The following TRAF2 variants were observed in gnomAD, a reference collection of about 807,000 sequenced individuals.
TRAF2 encodes the protein TNF receptor associated factor 2.
TRAF2 carries 6 observed loss-of-function variants against 55.6 expected under a neutral mutation model. That is an observed-to-expected ratio of 0.11 (90% CI 0.06 to 0.21). The LOEUF is 0.21. Among genes scored for constraint, TRAF2 ranks in the 10% least tolerant of loss-of-function variants. The probability of loss-of-function intolerance (pLI) is 1.00; values close to 1 mark genes in which losing one functional copy is unlikely to be tolerated. For synonymous variants in TRAF2, 329 were observed against 276.3 expected, an observed-to-expected ratio of 1.19 and a Z score of -1.89; for missense variants, 561 against 684.5, an observed-to-expected ratio of 0.82 and a Z score of 2.01.
At chr9:136,917,976 T>C (rs975903597) in intron 7 of TRAF2, among the ~76,000 whole-genome samples, 6 of 152,026 alleles carry the variant, frequency 3.9e-5, no homozygotes, top group Middle Eastern at 3.4e-3. Context: ...GTGGCGATGC[T>C]CGCTTCCCGT....
chr9:136,905,968 G>C, intron 4 of TRAF2, among the ~76,000 whole-genome samples: 1 of 152,160 alleles, frequency 6.6e-6, no homozygotes, highest in East Asian at 1.9e-4. Context: ...AGCCGGGTGT[G>C]GTGGCGGGCG....
At chr9:136,897,658 C>A in intron 1 of TRAF2, among the ~76,000 whole-genome samples, 1 of 131,964 alleles carries the variant, frequency 7.6e-6, no homozygotes, top group South Asian at 2.5e-4. Context: ...TACGTTCCCG[C>A]TCTCGGGGCT....
chr9:136,893,772 C>T (rs755786246), intron 1 of TRAF2, among the ~76,000 whole-genome samples: 12 of 151,982 alleles, frequency 7.9e-5, no homozygotes, highest in African/African-American at 2.2e-4. Flanking sequence ...TTTTTCGAGA[C>T]GGAGTCTCAC....
Position 136,900,401 on chromosome 9 carries a change from G to A in TRAF2, c.268-21G>A, listed in dbSNP as rs17250218. On this transcript the variant is annotated intron_variant, in intron 3 of 10. Transcript: ENST00000247668. ...GGGAGTCTGGGAGGAGGTTTAACCC[G>A]AGGGATATTCCTCTCCCCAGGCCTT... 209 of 1,554,616 alleles carry A rather than the reference G, an allele frequency of 1.3e-4. 2 individuals are homozygous for A. In the African/African-American group the frequency reaches 2.2e-3, roughly 17 times the overall value.
At chr9:136,882,087 GT>G (rs1849381597), upstream of TRAF2, 1 of 973,852 alleles carries the variant, frequency 1.0e-6, no homozygotes. Flanking sequence ...CTTGTTCATG[GT>G]CCCGTGGGGG....
Position 136,921,059 on chromosome 9 carries a change from A to G in TRAF2, c.982A>G (p.Ile328Val). The G allele has an allele frequency of 1.2e-6, 2 of 1,613,956 alleles. No homozygotes were observed. Among genetic ancestry groups the G allele is most frequent in the Non-Finnish European group, 1.7e-6 (2 of 1,179,996 alleles). Residue 328 changes from isoleucine (I) to valine (V), a missense_variant, in exon 9 of 11, where the codon ATT becomes GTT. By Grantham distance (29) the Ile-to-Val change is conservative. Transcript: ENST00000247668. The stretch of plus-strand genomic sequence containing the variant: ...GCAGGTGCAGCAGCTGGAGAGGAGC[A>G]TTGGCCTCAAGGACCTGGCGATGGC... ...SSKVQQLERS[I>V]GLKDLAMADL...
chr9:136,894,708 A>T (rs1459189264), intron 1 of TRAF2, among the ~76,000 whole-genome samples: 1 of 152,056 alleles, frequency 6.6e-6, no homozygotes, highest in Non-Finnish European at 1.5e-5. Context: ...TATTGTGGGT[A>T]TGAAGGAGGA....
At position 136,924,018 on chromosome 9, in the gene TRAF2, G is replaced by A. The variant is rs1378583388; in HGVS notation, c.1287+18G>A. 1.2e-6 allele frequency: 2 copies of A among 1,610,540 alleles called. No individual in the cohort carries two copies. Among genetic ancestry groups the A allele is most frequent in the East Asian group, 2.2e-5 (1 of 44,886 alleles). ...ACCAGAAGGTGAGGCCGTCCCTGCA[G>A]GCTTCGCTAGGGCCGCACCTGGGAG... On this transcript the variant is annotated intron_variant, in intron 10 of 10. Transcript: ENST00000247668.
chr9:136,901,967 T>C (rs10870140), intron 4 of TRAF2: 114,125 of 152,252 alleles, frequency 0.75, 42,953 homozygotes, highest in East Asian at 0.87. Flanking sequence ...AGTTTCGTTT[T>C]TTCAGAAGAA....
upstream of TRAF2, among the ~76,000 whole-genome samples, chr9:136,884,985 G>C (rs1365296114): frequency 6.6e-6 from 1 of 152,230 alleles, no homozygotes; most frequent in Admixed American, 6.5e-5. Context: ...CAACCTCACT[G>C]AGCCTGCAGG....
chr9:136,906,791 A>G (rs1386838543), intron 4 of TRAF2, among the ~76,000 whole-genome samples: 8 of 152,224 alleles, frequency 5.3e-5, no homozygotes, highest in Non-Finnish European at 7.3e-5. Flanking sequence ...CGGCACGTTC[A>G]GTCTGCCGGC....
intron 7 of TRAF2, among the ~76,000 whole-genome samples, chr9:136,917,132 C>T (rs1261704487): frequency 1.3e-5 from 2 of 152,230 alleles, no homozygotes; most frequent in African/African-American, 2.4e-5. Flanking sequence ...GCCCTGTCCA[C>T]ATCATCCTCA....
chr9:136,908,256 G>A (rs745870721), intron 5 of TRAF2, 25 bp downstream of exon 5: 3 of 1,542,982 alleles, frequency 1.9e-6, no homozygotes, highest in Non-Finnish European at 2.6e-6. Flanking sequence ...GCAGCAGCCT[G>A]TGTGGCTGCA....
chr9:136,914,907 C>T (rs1047571559), intron 6 of TRAF2, among the ~76,000 whole-genome samples: 2 of 151,758 alleles, frequency 1.3e-5, no homozygotes, highest in East Asian at 1.9e-4. Flanking sequence ...AGGCCGGGTG[C>T]GGTGGCTCAT....
chr9:136,916,163 C>G (rs762171338), intron 6 of TRAF2, among the ~76,000 whole-genome samples: 1 of 152,142 alleles, frequency 6.6e-6, no homozygotes, highest in Non-Finnish European at 1.5e-5. Flanking sequence ...TCATCCTGTA[C>G]CACCACGCAC....
intron 3 of TRAF2, among the ~76,000 whole-genome samples, chr9:136,900,035 C>T (rs893522124): frequency 6.6e-5 from 10 of 152,060 alleles, no homozygotes; most frequent in African/African-American, 1.4e-4. Flanking sequence ...GGTGTGGTGG[C>T]GCACGCCTAT....
chr9:136,895,013 G>A (rs1849651941), intron 1 of TRAF2, among the ~76,000 whole-genome samples: 1 of 152,156 alleles, frequency 6.6e-6, no homozygotes, highest in South Asian at 2.1e-4. Context: ...AGCCTCCTGG[G>A]TTTGGCTGAG....
intron 7 of TRAF2, among the ~76,000 whole-genome samples, chr9:136,917,463 C>G (rs191750706): frequency 4.3e-4 from 65 of 152,350 alleles, no homozygotes; most frequent in Admixed American, 1.6e-3. Context: ...GTGTCTTTGT[C>G]TCTTGTCCGT....
Position 136,920,315 on chromosome 9 carries a change from G to GT in TRAF2, c.760_761insT (p.Ala254ValfsTer30). The GT allele has an allele frequency of 8.1e-6, 13 of 1,613,978 alleles. No homozygotes were observed. In the South Asian group the frequency reaches 1.4e-4, roughly 18 times the overall value. ...CATGCTACTGAGCTCGGTGCTGGAGGCAAAGCCCCTCTTGGGAGACCAGAG... is the reference window on the plus strand; with the variant it reads ...CATGCTACTGAGCTCGGTGCTGGAGGTCAAAGCCCCTCTTGGGAGACCAGAG... On this transcript the variant is annotated frameshift_variant, in exon 8 of 11. Coordinates refer to ENST00000247668, the MANE Select transcript of TRAF2 (RefSeq NM_021138.4). LOFTEE classifies it high-confidence loss of function.
Sources: gnomAD v4.1 joint callset for allele counts (sites outside exome capture counted in the v4.1 genomes callset) on GRCh38, gnomAD v4.1.1 for gene constraint, MANE v1.5 for transcripts, NCBI Gene and HGNC (gene_info 2026-07-23, HGNC 2026-07-21) for gene names.